Variants in SLC25A43 observed in about 807,000 individuals in gnomAD.
SLC25A43 encodes solute carrier family 25 member 43, also known as solute carrier family 25, member 43.
Under a neutral mutation model 22.8 loss-of-function variants are expected in SLC25A43, and 10 were observed. The observed-to-expected ratio is 0.44, with a 90% CI of 0.27 to 0.74. SLC25A43 has a LOEUF of 0.74. SLC25A43 is among the 30% of genes least tolerant of loss of function. SLC25A43 has a pLI of 0.17. For synonymous variants in SLC25A43, 106 were observed against 121.6 expected, an observed-to-expected ratio of 0.87 and a Z score of 0.84; for missense variants, 233 against 279.1, an observed-to-expected ratio of 0.83 and a Z score of 1.18.
Position 119,406,503 on chromosome X carries a change from T to G in SLC25A43, c.319T>G (p.Trp107Gly). 8.3e-7 allele frequency: 1 copy of G among 1,211,489 alleles called. No homozygotes were observed. Among genetic ancestry groups the G allele is most frequent in the Non-Finnish European group, 1.1e-6 (1 of 895,175 alleles). Reference sequence around the variant, plus strand: ...AGATGACCTGGGCCACATTTCCCAGTGGAGCTCCATCATGGCTGGGAGTCT... The same window carrying G: ...AGATGACCTGGGCCACATTTCCCAGGGGAGCTCCATCATGGCTGGGAGTCT... Reference protein sequence around the residue: ...FTDDLGHISQWSSIMAGSLAG... With the variant: ...FTDDLGHISQGSSIMAGSLAG... Residue 107 changes from tryptophan to glycine, a missense_variant, in exon 2 of 5, where the codon TGG becomes GGG. Physicochemically the swap from Trp to Gly is radical, Grantham distance 184. Transcript: ENST00000217909.
intron 3 of SLC25A43, among the ~76,000 whole-genome samples, chrX:119,422,082 A>C (rs2147272253): frequency 9.0e-6 from 1 of 110,526 alleles, no homozygotes; most frequent in East Asian, 2.9e-4. Context: ...CACCCAGCTA[A>C]TTTTGTATTT....
intron 3 of SLC25A43, among the ~76,000 whole-genome samples, chrX:119,432,081 A>G (rs111275112): frequency 8.3e-4 from 89 of 107,289 alleles, no homozygotes; most frequent in African/African-American, 2.7e-3. Context: ...GAACCCGGGA[A>G]TGGGGAGGTT....
Position 119,405,200 on chromosome X carries a change from G to C in SLC25A43, c.276-1260G>C, listed in dbSNP as rs12688691. The stretch of plus-strand genomic sequence containing the variant: ...CTTCCCTGTATGTTTAAAAGCAGCT[G>C]ATTAACTCAAATGACTGTTTCAGTT... On this transcript the variant is annotated intron_variant, in intron 1 of 4. Transcript: ENST00000217909. Among the ~76,000 whole-genome samples, 73 of 112,196 alleles carry C rather than the reference G, an allele frequency of 6.5e-4. No homozygotes were observed. The East Asian group carries it at 0.02, about 30-fold the overall frequency.
At chrX:119,422,436 GC>G (rs2052462834) in intron 3 of SLC25A43, among the ~76,000 whole-genome samples, 1 of 112,321 alleles carries the variant, frequency 8.9e-6, no homozygotes, top group Non-Finnish European at 1.9e-5. Context: ...CTGTCTTATG[GC>G]CCATGCCACA....
At chrX:119,445,863 T>C (rs642) in intron 3 of SLC25A43, among the ~76,000 whole-genome samples, 2 of 110,621 alleles carry the variant, frequency 1.8e-5, no homozygotes, top group African/African-American at 3.3e-5. Context: ...CAGCTTTCAT[T>C]GTCAGGGGCA....
intron 3 of SLC25A43, among the ~76,000 whole-genome samples, chrX:119,429,620 C>A (rs1312216539): frequency 8.9e-6 from 1 of 111,840 alleles, no homozygotes; most frequent in Non-Finnish European, 1.9e-5. Context: ...TTGCTGCCCC[C>A]ACAGTATTTA....
intron 3 of SLC25A43, among the ~76,000 whole-genome samples, chrX:119,431,262 A>G (rs997146914): frequency 2.7e-5 from 3 of 112,352 alleles, no homozygotes; most frequent in Non-Finnish European, 5.6e-5. Context: ...TCATGCCTGT[A>G]ATCCCAGCAC....
Position 119,399,739 on chromosome X carries a change from C to T in SLC25A43, c.275+61C>T, listed in dbSNP as rs1183133519. On this transcript the variant is annotated intron_variant, in intron 1 of 4. Coordinates refer to ENST00000217909, the MANE Select transcript of SLC25A43 (RefSeq NM_145305.3). ...GGACGGGGGTGGGGTGGGGGAGCCG[C>T]GGCCCGACGCCGCCCTGCTGCCTGG... is the stretch of plus-strand genomic sequence containing the variant. 1.2e-5 allele frequency: 12 copies of T among 969,961 alleles called. No homozygotes were observed. The South Asian group carries it at 3.9e-4, about 32-fold the overall frequency. The allele number at this position is 969,961 out of a possible 1,213,427, so 79.9% of individuals were successfully genotyped here.
At chrX:119,424,228 G>A (rs1383498959) in intron 3 of SLC25A43, among the ~76,000 whole-genome samples, 2 of 106,679 alleles carry the variant, frequency 1.9e-5, no homozygotes, top group Non-Finnish European at 3.9e-5. Context: ...AAAAAAAAAA[G>A]AAAGAAATTA....
At chrX:119,444,986 G>C (rs1569376725) in intron 3 of SLC25A43, among the ~76,000 whole-genome samples, 1 of 85,969 alleles carries the variant, frequency 1.2e-5, no homozygotes, top group African/African-American at 4.5e-5. Flanking sequence ...AGTGAGCCAA[G>C]ATCATGCCAC....
intron 3 of SLC25A43, among the ~76,000 whole-genome samples, chrX:119,424,843 G>A (rs2052489440): frequency 1.8e-5 from 2 of 112,816 alleles, no homozygotes; most frequent in African/African-American, 6.4e-5. Context: ...CTCACATGGT[G>A]GAAGGGGGAG....
chrX:119,421,514 A>G (rs1031311673), intron 3 of SLC25A43, among the ~76,000 whole-genome samples: 1 of 112,167 alleles, frequency 8.9e-6, no homozygotes, highest in Admixed American at 9.5e-5. Flanking sequence ...CTGAAGACTA[A>G]GTGCATTTCA....
intron 3 of SLC25A43, among the ~76,000 whole-genome samples, chrX:119,443,937 T>C (rs2052644810): frequency 9.3e-6 from 1 of 108,074 alleles, no homozygotes; most frequent in Non-Finnish European, 1.9e-5. Context: ...TTTTCTTTTG[T>C]AGAGATGAGG....
intron 3 of SLC25A43, among the ~76,000 whole-genome samples, chrX:119,414,015 G>T (rs917063144): frequency 1.3e-4 from 15 of 111,802 alleles, no homozygotes; most frequent in African/African-American, 3.9e-4. Flanking sequence ...ACTCCAGAAA[G>T]GTTGTAAGTT....
In SLC25A43 at chrX:119,443,116, C is replaced by CTTT. The variant is rs58081965; in HGVS notation, c.691-8874_691-8872dup. On this transcript the variant is annotated intron_variant, in intron 3 of 4. Coordinates refer to ENST00000217909, the MANE Select transcript of SLC25A43 (RefSeq NM_145305.3). ...CAGTCTTTCTTTTCCCATTCTCTCT[C>CTTT]TTTTTTTTTTTTTTTTTTTTTGAGA... Among the ~76,000 whole-genome samples, 454 of 73,324 alleles carry CTTT rather than the reference C, an allele frequency of 6.2e-3. 5 individuals are homozygous for CTTT. The highest frequency in any genetic ancestry group is 0.012 in the East Asian group (25 of 2,155). The allele number at this position is 73,324 out of a possible 115,157, so 63.7% of individuals were successfully genotyped here.
intron 3 of SLC25A43, among the ~76,000 whole-genome samples, chrX:119,416,923 G>A (rs1000729209): frequency 8.9e-6 from 1 of 112,424 alleles, no homozygotes; most frequent in Admixed American, 9.5e-5. Flanking sequence ...GGGTAGGAAA[G>A]AAGTATGATA....
At chrX:119,413,433 C>T (rs937479834) in intron 3 of SLC25A43, among the ~76,000 whole-genome samples, 5 of 110,787 alleles carry the variant, frequency 4.5e-5, no homozygotes, top group African/African-American at 1.3e-4. Context: ...AGGCCGGGCG[C>T]GGTGGCTCAC....
chrX:119,452,413 T>C (rs1213144327), intron 4 of SLC25A43, among the ~76,000 whole-genome samples: 1 of 106,570 alleles, frequency 9.4e-6, no homozygotes, highest in Non-Finnish European at 1.9e-5. Context: ...AATGGGAACC[T>C]AACCCCTCAT....
intron 4 of SLC25A43, 51 bp downstream of exon 4, chrX:119,452,194 C>G: frequency 8.7e-7 from 1 of 1,149,323 alleles, no homozygotes; most frequent in Non-Finnish European, 1.2e-6. Context: ...CCAATTCTAC[C>G]CTCTTCCTTT....
Sources: allele counts gnomAD v4.1 joint callset (sites outside exome capture counted in the v4.1 genomes callset), GRCh38; gene constraint gnomAD v4.1.1; transcripts MANE v1.5; gene names NCBI Gene and HGNC (gene_info 2026-07-23, HGNC 2026-07-21).